GALNT13: variants seen among roughly 807,000 people sequenced by gnomAD.
The protein encoded by GALNT13 is polypeptide N-acetylgalactosaminyltransferase 13.
Under a neutral mutation model 64.2 loss-of-function variants are expected in GALNT13, and 28 were observed. The ratio of observed to expected loss-of-function variants is 0.44; its 90% CI spans 0.32 to 0.60. GALNT13 has a LOEUF of 0.60. GALNT13 is among the 20% of genes least tolerant of loss of function. The pLI is 0.05. For missense variants in GALNT13, 577 were observed against 669.8 expected, an observed-to-expected ratio of 0.86 and a Z score of 1.53; for synonymous variants, 214 against 224.6, an observed-to-expected ratio of 0.95 and a Z score of 0.42.
intron 9 of GALNT13, among the ~76,000 whole-genome samples, chr2:154,323,673 A>C (rs1041963587): frequency 1.3e-5 from 2 of 152,072 alleles, no homozygotes; most frequent in African/African-American, 2.4e-5. Context: ...AGTAGTGGGA[A>C]TCCACTGCAT....
At position 153,906,605 on chromosome 2, in the gene GALNT13, A is replaced by G. The variant is rs1372670570; in HGVS notation, c.-105+5598A>G. Among the ~76,000 whole-genome samples, 15 of 152,022 alleles carry G rather than the reference A, an allele frequency of 9.9e-5. 1 individual carries two copies. The highest frequency in any genetic ancestry group is 3.6e-4 in the African/African-American group (15 of 41,470). On this transcript the variant is annotated intron_variant, in intron 2 of 12. Coordinates refer to ENST00000392825, the MANE Select transcript of GALNT13 (RefSeq NM_052917.4). ...ATTTTTTATGGCTGCATAGTATTCC[A>G]TGGTGTATATGTGCCACATTTTCTT...
the GALNT13 span, among the ~76,000 whole-genome samples, chr2:153,289,110 T>C: frequency 6.6e-6 from 1 of 152,188 alleles, no homozygotes; most frequent in Non-Finnish European, 1.5e-5. Flanking sequence ...ATTTTTGTAA[T>C]TAAAAATCTA....
the GALNT13 span, among the ~76,000 whole-genome samples, chr2:153,523,530 A>G: frequency 6.6e-6 from 1 of 152,176 alleles, no homozygotes; most frequent in South Asian, 2.1e-4. Flanking sequence ...TAGACCTTGT[A>G]CATATTTTGT....
At chr2:154,210,698 T>C (rs2105799111) in intron 4 of GALNT13, among the ~76,000 whole-genome samples, 1 of 152,288 alleles carries the variant, frequency 6.6e-6, no homozygotes, top group African/African-American at 2.4e-5. Context: ...ATTTTTAAAA[T>C]ACCATTTTGA....
At chr2:154,300,473 A>G (rs1375230069) in intron 8 of GALNT13, among the ~76,000 whole-genome samples, 1 of 152,058 alleles carries the variant, frequency 6.6e-6, no homozygotes, top group Non-Finnish European at 1.5e-5. Context: ...TCAAATGAAA[A>G]CAATGTTAGT....
chr2:153,355,831 A>G, the GALNT13 span, among the ~76,000 whole-genome samples: 1 of 152,232 alleles, frequency 6.6e-6, no homozygotes, highest in Non-Finnish European at 1.5e-5. Context: ...GTGACTCATA[A>G]TAAGTGCTCA....
the GALNT13 span, among the ~76,000 whole-genome samples, chr2:153,430,520 T>A: frequency 9.3e-6 from 1 of 107,272 alleles, no homozygotes; most frequent in African/African-American, 3.4e-5. Context: ...AATAGATAGG[T>A]AGGTAGGGAG....
chr2:154,426,157 C>T (rs146846924), intron 11 of GALNT13, among the ~76,000 whole-genome samples: 6 of 152,130 alleles, frequency 3.9e-5, no homozygotes, highest in Non-Finnish European at 5.9e-5. Flanking sequence ...CTCCCTGGTT[C>T]CTGGCAAAGT....
intron 4 of GALNT13, among the ~76,000 whole-genome samples, chr2:154,219,891 T>C (rs1016369400): frequency 2.0e-5 from 3 of 152,078 alleles, no homozygotes; most frequent in African/African-American, 7.2e-5. Flanking sequence ...CTCAGATGCC[T>C]GATGCACAGA....
the GALNT13 span, among the ~76,000 whole-genome samples, chr2:153,248,815 C>CAAAAA: frequency 7.8e-6 from 1 of 127,498 alleles, no homozygotes; most frequent in Non-Finnish European, 1.6e-5. Flanking sequence ...GACTCTGTCT[C>CAAAAA]GAAAAAAAAA....
chr2:153,486,130 G>A, the GALNT13 span, among the ~76,000 whole-genome samples: 34 of 152,122 alleles, frequency 2.2e-4, no homozygotes, highest in Admixed American at 9.8e-4. Flanking sequence ...TAAAGACAGG[G>A]TCTCACCATG....
chr2:154,405,753 T>C (rs531118341), intron 10 of GALNT13, among the ~76,000 whole-genome samples: 31 of 152,084 alleles, frequency 2.0e-4, no homozygotes, highest in Middle Eastern at 3.4e-3. Flanking sequence ...GAAACTTTTC[T>C]GAAAATAAAA....
At chr2:153,073,881 G>A in the GALNT13 span, among the ~76,000 whole-genome samples, 1 of 151,876 alleles carries the variant, frequency 6.6e-6, no homozygotes, top group Non-Finnish European at 1.5e-5. Flanking sequence ...TTTATAATTT[G>A]TTTTTTAAGA....
the GALNT13 span, among the ~76,000 whole-genome samples, chr2:153,434,588 G>C: frequency 2.0e-5 from 3 of 152,140 alleles, no homozygotes; most frequent in Admixed American, 1.3e-4. Flanking sequence ...CAGTGATGAT[G>C]AGTTTTTTCA....
At chr2:154,061,404 A>C (rs1370123089) in intron 3 of GALNT13, among the ~76,000 whole-genome samples, 1 of 152,196 alleles carries the variant, frequency 6.6e-6, no homozygotes, top group Non-Finnish European at 1.5e-5. Context: ...AAGATCTCAC[A>C]CAGGATTTTG....
intron 4 of GALNT13, among the ~76,000 whole-genome samples, chr2:154,180,009 C>A (rs570474275): frequency 1.3e-4 from 20 of 152,184 alleles, no homozygotes; most frequent in African/African-American, 4.8e-4. Context: ...AATTTCACAG[C>A]AAACTTTACA....
the GALNT13 span, among the ~76,000 whole-genome samples, chr2:153,246,506 A>G: frequency 6.6e-6 from 1 of 152,240 alleles, no homozygotes; most frequent in African/African-American, 2.4e-5. Flanking sequence ...ACATTCTTAA[A>G]GAAAACAATT....
the GALNT13 span, among the ~76,000 whole-genome samples, chr2:153,676,688 G>A: frequency 1.2e-4 from 18 of 152,166 alleles, no homozygotes; most frequent in Admixed American, 7.9e-4. Context: ...ACTTGATCAA[G>A]TAGGCTTTCT....
chr2:154,156,395 A>G (rs1684424732), intron 4 of GALNT13, among the ~76,000 whole-genome samples: 1 of 152,096 alleles, frequency 6.6e-6, no homozygotes, highest in Admixed American at 6.6e-5. Flanking sequence ...GATTAGGAAG[A>G]TATATTTTCC....
Sources: allele counts gnomAD v4.1 joint callset (sites outside exome capture counted in the v4.1 genomes callset), GRCh38; gene constraint gnomAD v4.1.1; transcripts MANE v1.5; gene names NCBI Gene and HGNC (gene_info 2026-07-23, HGNC 2026-07-21).